PRKN: variants seen among roughly 807,000 people sequenced by gnomAD.
PRKN encodes E3 ubiquitin-protein ligase parkin.
PRKN carries 56 observed loss-of-function variants against 59.5 expected under a neutral mutation model. The observed-to-expected ratio is 0.94, with a 90% CI of 0.76 to 1.18. The LOEUF is 1.18. Among genes scored for constraint, PRKN ranks in the 50% most tolerant of loss-of-function variants. The probability of loss-of-function intolerance (pLI) is 0.00; values close to 1 mark genes in which losing one functional copy is unlikely to be tolerated. For missense variants in PRKN, 657 were observed against 596.4 expected (o/e 1.10, Z -1.06); for synonymous variants, 250 against 222.1 (o/e 1.13, Z -1.12).
chr6:162,700,715 T>C (rs184403457), intron 1 of PRKN, among the ~76,000 whole-genome samples: 3 of 152,212 alleles, frequency 2.0e-5, no homozygotes, highest in East Asian at 3.9e-4. Context: ...CTACTTCAAA[T>C]TGACCCATTT....
chr6:162,260,031 T>C (rs1779818595), intron 3 of PRKN, among the ~76,000 whole-genome samples: 1 of 152,226 alleles, frequency 6.6e-6, no homozygotes, highest in African/African-American at 2.4e-5. Context: ...ATCTCTCTTT[T>C]CCCAATCTTT....
intron 6 of PRKN, among the ~76,000 whole-genome samples, chr6:161,959,203 C>T (rs115971164): frequency 2.0e-5 from 3 of 152,170 alleles, no homozygotes; most frequent in Admixed American, 6.5e-5. Flanking sequence ...ACCCAGATCC[C>T]GTTTCAAATA....
Position 161,498,331 on chromosome 6 carries a change from C to T in PRKN, c.1083+50523G>A, listed in dbSNP as rs909978343. On this transcript the variant is annotated intron_variant, in intron 9 of 11. Transcript: ENST00000366898. This position sits in a 1 kb window ranked among gnomAD's most constrained non-coding sequence, Gnocchi z 4.2. ...TTACATTTGTTATGTTACTCCTCTC[C>T]TCAACGATCCCATTATAATTCCTAT... 1.1e-4 allele frequency among the ~76,000 whole-genome samples: 16 copies of T among 152,056 alleles called. No individual in the cohort carries two copies. The highest frequency in any genetic ancestry group is 2.9e-4 in the African/African-American group (12 of 41,416).
intron 4 of PRKN, among the ~76,000 whole-genome samples, chr6:162,111,092 T>C (rs1780412593): frequency 6.6e-6 from 1 of 152,062 alleles, no homozygotes; most frequent in Admixed American, 6.6e-5. Flanking sequence ...TGGGAAGATG[T>C]GCACAAGGGC....
chr6:162,696,860 A>C (rs1777990831), intron 1 of PRKN, among the ~76,000 whole-genome samples: 1 of 152,122 alleles, frequency 6.6e-6, no homozygotes, highest in South Asian at 2.1e-4. Context: ...AGAACTTTTA[A>C]AAAACAAATT....
chr6:161,976,918 A>T (rs1171915332), intron 5 of PRKN, among the ~76,000 whole-genome samples: 4 of 152,248 alleles, frequency 2.6e-5, no homozygotes, highest in Non-Finnish European at 5.9e-5. Context: ...ATTCAGCCAG[A>T]TAAAAGCCTT....
chr6:162,497,000 T>C (rs1014113574), intron 1 of PRKN, among the ~76,000 whole-genome samples: 14 of 152,220 alleles, frequency 9.2e-5, no homozygotes, highest in African/African-American at 3.4e-4. Flanking sequence ...AAATAACTTA[T>C]AAATACATAT....
At chr6:161,536,517 C>T (rs1161230598) in intron 9 of PRKN, among the ~76,000 whole-genome samples, 1 of 152,140 alleles carries the variant, frequency 6.6e-6, no homozygotes, top group Non-Finnish European at 1.5e-5. Context: ...CTGCTGTGCA[C>T]ACAGAGATTC....
chr6:162,052,239 G>C (rs528019312), intron 5 of PRKN, among the ~76,000 whole-genome samples: 1 of 152,002 alleles, frequency 6.6e-6, no homozygotes, highest in East Asian at 1.9e-4. Context: ...CTGCTGTTCA[G>C]CCCATTTAGT....
chr6:161,352,205 G>A lies in PRKN; in HGVS notation c.1286-1994C>T, dbSNP rs3798965. Reference sequence around the variant, plus strand: ...GCCAAATTTTCCAAGTAATTGGTTCGGTGCTGTCTCACTTTTATTATTAGA... The same window carrying A: ...GCCAAATTTTCCAAGTAATTGGTTCAGTGCTGTCTCACTTTTATTATTAGA... On this transcript the variant is annotated intron_variant, in intron 11 of 11. Coordinates refer to ENST00000366898, the MANE Select transcript of PRKN (RefSeq NM_004562.3). This position sits in a 1 kb window ranked among gnomAD's most constrained non-coding sequence, Gnocchi z 5.8. Among the ~76,000 whole-genome samples the A allele has an allele frequency of 0.15, 22,766 of 152,008 alleles. 2,965 individuals are homozygous for A. The highest frequency in any genetic ancestry group is 0.35 in the African/African-American group (14,554 of 41,432).
chr6:161,732,934 C>A (rs1320672041), intron 7 of PRKN, among the ~76,000 whole-genome samples: 1 of 152,102 alleles, frequency 6.6e-6, no homozygotes, highest in Non-Finnish European at 1.5e-5. Context: ...TCTAATGTTG[C>A]CCTCATATTC....
chr6:161,641,674 A>G (rs1412394296), intron 7 of PRKN, among the ~76,000 whole-genome samples: 1 of 152,234 alleles, frequency 6.6e-6, no homozygotes, highest in Non-Finnish European at 1.5e-5. Flanking sequence ...ATGGGCAAGG[A>G]GAACCCATTG....
intron 4 of PRKN, among the ~76,000 whole-genome samples, chr6:162,137,020 A>G (rs1038692997): frequency 3.3e-5 from 5 of 152,014 alleles, no homozygotes; most frequent in Admixed American, 1.3e-4. Flanking sequence ...ATGTGTGAAA[A>G]TGTATAGAAA....
chr6:162,419,218 T>C (rs1255597190), intron 2 of PRKN, among the ~76,000 whole-genome samples: 1 of 151,900 alleles, frequency 6.6e-6, no homozygotes, highest in African/African-American at 2.4e-5. Context: ...TGTTAAAGAG[T>C]GAATAAAAAT....
intron 1 of PRKN, among the ~76,000 whole-genome samples, chr6:162,617,901 A>G (rs986786072): frequency 6.6e-6 from 1 of 152,102 alleles, no homozygotes; most frequent in Non-Finnish European, 1.5e-5. Flanking sequence ...GTTTCAATGT[A>G]TTAGTGCATT....
At position 161,549,965 on chromosome 6, in the gene PRKN, C is replaced by T. The variant is rs1779941093; in HGVS notation, c.934-962G>A. 2.6e-5 allele frequency among the ~76,000 whole-genome samples: 4 copies of T among 152,066 alleles called. No individual in the cohort carries two copies. Among genetic ancestry groups the T allele is most frequent in the African/African-American group, 9.7e-5 (4 of 41,396 alleles). ...GCTAAGTGAGGAAGAAAATAATCAA[C>T]AGGGAAGAGGGAGAGTCCAAAGAAG... On this transcript the variant is annotated intron_variant, in intron 8 of 11. Coordinates refer to ENST00000366898, the MANE Select transcript of PRKN (RefSeq NM_004562.3). This position sits in a 1 kb window ranked among gnomAD's most constrained non-coding sequence, Gnocchi z 6.0.
chr6:161,524,968 G>T (rs1198107858), intron 9 of PRKN, among the ~76,000 whole-genome samples: 1 of 152,080 alleles, frequency 6.6e-6, no homozygotes, highest in East Asian at 1.9e-4. Flanking sequence ...GTGAAATTCT[G>T]CAGCCTGGTT....
At chr6:162,606,092 C>T (rs977371007) in intron 1 of PRKN, among the ~76,000 whole-genome samples, 4 of 152,058 alleles carry the variant, frequency 2.6e-5, no homozygotes, top group Non-Finnish European at 5.9e-5. Context: ...CTACAATGAA[C>T]AGAATGTTTG....
chr6:162,103,649 C>G (rs1004016471), intron 4 of PRKN, among the ~76,000 whole-genome samples: 17 of 151,784 alleles, frequency 1.1e-4, no homozygotes, highest in Non-Finnish European at 1.9e-4. Context: ...AGGATGATAT[C>G]AGCAAACAAA....
Sources: gnomAD v4.1 joint callset for allele counts (sites outside exome capture counted in the v4.1 genomes callset) on GRCh38, gnomAD v4.1.1 for gene constraint, Gnocchi (gnomAD v3.1) non-coding constraint, MANE v1.5 for transcripts, NCBI Gene and HGNC (gene_info 2026-07-23, HGNC 2026-07-21) for gene names.